The following ZNF114 variants were observed in gnomAD, a reference collection of about 807,000 sequenced individuals.
ZNF114 encodes the protein zinc finger protein 114.
ZNF114 carries 8 observed loss-of-function variants against 6.8 expected under a neutral mutation model. The observed-to-expected ratio is 1.18, with a 90% CI of 0.69 to 2.13. The LOEUF (loss-of-function observed/expected upper bound fraction) is 2.13. Ranked by LOEUF, ZNF114 falls within the 30% of genes most tolerant of loss-of-function variation. The pLI is 0.00. For missense variants in ZNF114, 472 were observed against 519.5 expected (o/e 0.91, Z 0.89); for synonymous variants, 169 against 185.5 (o/e 0.91, Z 0.72).
chr19:48,275,750 T>G (rs1967812359), intron 3 of ZNF114, among the ~76,000 whole-genome samples: 1 of 152,012 alleles, frequency 6.6e-6, no homozygotes, highest in African/African-American at 2.4e-5. Flanking sequence ...ATCCCAGCCC[T>G]TTGGGAGGCC....
At chr19:48,273,821 T>G (rs1320937740) in intron 3 of ZNF114, among the ~76,000 whole-genome samples, 73 of 150,452 alleles carry the variant, frequency 4.9e-4, no homozygotes, top group Non-Finnish European at 2.1e-4. Context: ...GCAGTGGCGT[T>G]ATCTCGGCTC....
In ZNF114 at chr19:48,279,824, A is replaced by C. The variant is rs1257328955; in HGVS notation, c.9+16A>C. On this transcript the variant is annotated intron_variant, in intron 4 of 5. Coordinates refer to ENST00000595607, the MANE Select transcript of ZNF114 (RefSeq NM_153608.4). ...TATGTCCCAGGTAAGTTGGCAGCTC[A>C]CCCTCTCCCAGAAGCGTGTTGTCGT... The C allele has an allele frequency of 6.2e-7, 1 of 1,613,646 alleles. No homozygotes were observed. Among genetic ancestry groups the C allele is most frequent in the Admixed American group, 1.7e-5 (1 of 59,978 alleles).
In ZNF114 at chr19:48,287,550, A is replaced by T. The variant is rs1968166187; in HGVS notation, c.*672A>T. On this transcript the variant is annotated 3_prime_UTR_variant, in exon 6 of 6. Transcript: ENST00000595607. ...TTTAAACACTTACCACTCATGTTGC[A>T]TGTGAATCCACATCCTGAAGGGAGG... 6.6e-6 allele frequency: 1 copy of T among 151,948 alleles called. No homozygotes were observed. The allele number at this position is 151,948 out of a possible 1,614,324, so 9.4% of individuals were successfully genotyped here.
intron 5 of ZNF114, among the ~76,000 whole-genome samples, chr19:48,283,613 C>T (rs761398308): frequency 2.6e-5 from 4 of 152,074 alleles, no homozygotes; most frequent in Admixed American, 6.6e-5. Flanking sequence ...GCAACAGGCT[C>T]GCCACTGAGA....
intron 3 of ZNF114, among the ~76,000 whole-genome samples, chr19:48,274,156 CTA>C (rs771808798): frequency 2.5e-4 from 38 of 151,040 alleles, no homozygotes; most frequent in Non-Finnish European, 5.0e-4. Context: ...GTGTGAGTGT[CTA>C]TATATAAATT....
At chr19:48,272,032 T>C (rs1157686511) in intron 3 of ZNF114, among the ~76,000 whole-genome samples, 1 of 152,196 alleles carries the variant, frequency 6.6e-6, no homozygotes, top group Non-Finnish European at 1.5e-5. Context: ...TGCTGCAGCG[T>C]TGCGAAAGCG....
At chr19:48,275,623 TAAC>T (rs1967808967) in intron 3 of ZNF114, among the ~76,000 whole-genome samples, 3 of 151,226 alleles carry the variant, frequency 2.0e-5, no homozygotes, top group South Asian at 4.2e-4. Context: ...ACATATATAA[TAAC>T]AAAGAAAAAT....
intron 4 of ZNF114, chr19:48,282,143 C>T: frequency 2.7e-6 from 1 of 366,982 alleles, no homozygotes; most frequent in Non-Finnish European, 4.9e-6. Context: ...TGTGATCCAC[C>T]TGCCTCAGCC....
chr19:48,278,969 C>A (rs1019406781), intron 3 of ZNF114, among the ~76,000 whole-genome samples: 5 of 150,678 alleles, frequency 3.3e-5, no homozygotes, highest in African/African-American at 7.3e-5. Context: ...ATTAGATTAG[C>A]GGCTGCCAGC....
At chr19:48,278,071 G>T (rs1282633616) in intron 3 of ZNF114, among the ~76,000 whole-genome samples, 2 of 151,986 alleles carry the variant, frequency 1.3e-5, no homozygotes, top group Non-Finnish European at 2.9e-5. Flanking sequence ...AAGTAGCTGG[G>T]ATTACAGGTG....
Position 48,286,691 on chromosome 19 carries a change from T to C in ZNF114, c.1067T>C (p.Val356Ala). The C allele has an allele frequency of 6.2e-7, 1 of 1,613,088 alleles. No homozygotes were observed. The highest frequency in any genetic ancestry group is 8.5e-7 in the Non-Finnish European group (1 of 1,179,758). ...AATAAACATTTAAGAAAGCATGTTG[T>C]GCAGAAGAAGCCCTACGAATGTGAA... is the stretch of plus-strand genomic sequence containing the variant. ...HLNKHLRKHV[V>A]QKKPYECEEC... Residue 356 changes from valine to alanine, a missense_variant, in exon 6 of 6, where the codon GTG becomes GCG. Transcript: ENST00000595607.
In ZNF114 at chr19:48,277,794, G is replaced by GTGTGTGTGTGTGTGTGT. The variant is rs1967877326; in HGVS notation, c.-69-1937_-69-1936insTGTGTGTGTGTGTGTGT. On this transcript the variant is annotated intron_variant, in intron 3 of 5. Transcript: ENST00000595607. The stretch of plus-strand genomic sequence containing the variant: ...GAATAGACTGACCAGGGAGGCATTG[G>GTGTGTGTGTGTGTGTGT]GTGTGTGTGTGTGTGTGTGTGTGTG... Among the ~76,000 whole-genome samples the GTGTGTGTGTGTGTGTGT allele has an allele frequency of 6.7e-5, 8 of 119,410 alleles. No individual in the cohort carries two copies. The East Asian group carries it at 1.0e-3, about 15-fold the overall frequency. 78.3% of individuals were successfully genotyped at this position (119,410 alleles called of 152,430 possible). A position where few individuals can be genotyped will look rare whatever the true frequency, so the allele number is the denominator to read the frequency against.
At chr19:48,272,700 T>TAAAAAAAAA (rs1555875993) in intron 3 of ZNF114, among the ~76,000 whole-genome samples, 12 of 79,368 alleles carry the variant, frequency 1.5e-4, no homozygotes, top group Non-Finnish European at 2.5e-4. Flanking sequence ...AAAAAAAAAG[T>TAAAAAAAAA]ATTGGATTGG....
At chr19:48,280,714 G>T (rs942439166) in intron 4 of ZNF114, among the ~76,000 whole-genome samples, 1 of 151,848 alleles carries the variant, frequency 6.6e-6, no homozygotes, top group South Asian at 2.1e-4. Context: ...CAGCACGCCC[G>T]GCTAATTTTT....
At position 48,271,250 on chromosome 19, in the gene ZNF114, A is replaced by AG. The variant is rs1176502521; in HGVS notation, c.-367dup. The AG allele has an allele frequency of 6.6e-6, 1 of 151,986 alleles. No homozygotes were observed. Among genetic ancestry groups the AG allele is most frequent in the African/African-American group, 2.4e-5 (1 of 41,334 alleles). 9.4% of individuals were successfully genotyped at this position (151,986 alleles called of 1,614,324 possible). A position where few individuals can be genotyped will look rare whatever the true frequency, so the allele number is the denominator to read the frequency against. ...CTGTTTCCGCCCTTTTACAGTACTG[A>AG]GGGGAAAAAAAAGCCTTCTTTCCTT... On this transcript the variant is annotated 5_prime_UTR_variant, in exon 2 of 6. Transcript: ENST00000595607.
rs577424535 is a variant in ZNF114 at position 48,286,371 on chromosome 19, T to C, written c.747T>C (p.Asp249=). 7.4e-5 allele frequency: 119 copies of C among 1,614,160 alleles called. 1 individual carries two copies. In the South Asian group the frequency reaches 1.2e-3, roughly 16 times the overall value. The change falls in exon 6 of 6, where the codon GAT becomes GAC. Residue 249 remains aspartate, a synonymous_variant. Coordinates refer to ENST00000595607, the MANE Select transcript of ZNF114 (RefSeq NM_153608.4). ...HNTHGREKMY[D]FTQCENTSRN... ...CTCATGGTCGAGAGAAAATGTATGA[T>C]TTTACTCAGTGCGAGAACACCTCCA...
chr19:48,285,925 C>T lies in ZNF114; in HGVS notation c.301C>T (p.Gln101Ter). 5.6e-6 allele frequency: 9 copies of T among 1,614,110 alleles called. No individual in the cohort carries two copies. Among genetic ancestry groups the T allele is most frequent in the Non-Finnish European group, 7.6e-6 (9 of 1,180,026 alleles). ...CCCCAAAACAGAGGAACCACACAGG[C>T]AGGGGGTGAATAATGTGAAGCCACC... is the stretch of plus-strand genomic sequence containing the variant. The part of the protein sequence containing the change: ...RCPKTEEPHR[Q>*]GVNNVKPPAV... Residue 101 changes from glutamine (Q) to a stop codon, truncating the protein, a stop_gained, in exon 6 of 6, where the codon CAG becomes TAG. Coordinates refer to ENST00000595607, the MANE Select transcript of ZNF114 (RefSeq NM_153608.4). LOFTEE classifies it low-confidence loss of function (END_TRUNC).
Position 48,286,130 on chromosome 19 carries a change from A to G in ZNF114, c.506A>G (p.Lys169Arg). Residue 169 changes from lysine (K) to arginine (R), a missense_variant, in exon 6 of 6, where the codon AAA becomes AGA. Lys to Arg is a conservative substitution (Grantham distance 26). Transcript: ENST00000595607. Reference sequence around the variant, plus strand: ...AATCCTGTCTTAAACGATAGTCAAAAAACACATGAAAACAACGAAGACGAT... The same window carrying G: ...AATCCTGTCTTAAACGATAGTCAAAGAACACATGAAAACAACGAAGACGAT... ...KYNPVLNDSQ[K>R]THENNEDDGV... The G allele has an allele frequency of 6.2e-7, 1 of 1,614,188 alleles. No individual in the cohort carries two copies. Among genetic ancestry groups the G allele is most frequent in the South Asian group, 1.1e-5 (1 of 91,088 alleles).
intron 3 of ZNF114, among the ~76,000 whole-genome samples, chr19:48,274,480 TTTTATATA>T (rs1256480413): frequency 1.5e-5 from 1 of 67,978 alleles, no homozygotes; most frequent in African/African-American, 4.6e-5. Flanking sequence ...AGAAAAAAAC[TTTTATATA>T]TATATATATA....
Sources: allele counts gnomAD v4.1 joint callset (sites outside exome capture counted in the v4.1 genomes callset), GRCh38; gene constraint gnomAD v4.1.1; transcripts MANE v1.5; gene names NCBI Gene and HGNC (gene_info 2026-07-23, HGNC 2026-07-21).